Variants in SHROOM3 observed in about 807,000 individuals in gnomAD.
The protein encoded by SHROOM3 is shroom family member 3.
SHROOM3 carries 47 observed loss-of-function variants against 138.6 expected under a neutral mutation model. The observed-to-expected ratio is 0.34, with a 90% CI of 0.27 to 0.43. SHROOM3 has a LOEUF of 0.43. Ranked by LOEUF, SHROOM3 falls within the 20% of genes least tolerant of loss-of-function variation. The pLI, the probability that SHROOM3 is intolerant of heterozygous loss-of-function variation, is 1.00. For missense variants in SHROOM3, 2,491 were observed against 2,596.5 expected, an observed-to-expected ratio of 0.96 and a Z score of 0.88; for synonymous variants, 1,062 against 1,063.3, an observed-to-expected ratio of 1.00 and a Z score of 0.02.
intron 2 of SHROOM3, among the ~76,000 whole-genome samples, chr4:76,663,608 T>G (rs994221755): frequency 6.6e-6 from 1 of 152,168 alleles, no homozygotes; most frequent in South Asian, 2.1e-4. Context: ...ACTATGTTGC[T>G]CAGGCTGAAC....
intron 1 of SHROOM3, among the ~76,000 whole-genome samples, chr4:76,511,336 A>G (rs1268921007): frequency 1.5e-5 from 2 of 135,360 alleles, no homozygotes; most frequent in African/African-American, 3.1e-5. Flanking sequence ...ACACTATGTT[A>G]TAAAGTAAAA....
intron 2 of SHROOM3, among the ~76,000 whole-genome samples, chr4:76,594,508 C>T (rs1383791873): frequency 6.6e-6 from 1 of 152,218 alleles, no homozygotes; most frequent in Non-Finnish European, 1.5e-5. Context: ...TACATAAAAA[C>T]TTTAACTTTG....
chr4:76,503,763 A>G (rs547301410), intron 1 of SHROOM3, among the ~76,000 whole-genome samples: 1 of 152,296 alleles, frequency 6.6e-6, no homozygotes, highest in Non-Finnish European at 1.5e-5. Flanking sequence ...CCCTTTGTCT[A>G]GTGATCTTGT....
intron 1 of SHROOM3, among the ~76,000 whole-genome samples, chr4:76,522,570 A>G (rs1482127486): frequency 1.3e-5 from 2 of 151,940 alleles, no homozygotes; most frequent in Non-Finnish European, 2.9e-5. Context: ...GAGGCAGGCC[A>G]TTCACCTGAG....
intron 1 of SHROOM3, among the ~76,000 whole-genome samples, chr4:76,507,388 AC>A (rs1732233572): frequency 6.6e-6 from 1 of 152,190 alleles, no homozygotes; most frequent in South Asian, 2.1e-4. Flanking sequence ...CAATTTCTCT[AC>A]ATCTTCACCA....
intron 1 of SHROOM3, among the ~76,000 whole-genome samples, chr4:76,466,135 T>C (rs576071341): frequency 9.2e-5 from 14 of 152,240 alleles, no homozygotes; most frequent in Non-Finnish European, 1.9e-4. Flanking sequence ...GTTGGTGTGA[T>C]GTTCTCAACA....
At chr4:76,777,489 C>T (rs1722605932) in intron 10 of SHROOM3, among the ~76,000 whole-genome samples, 1 of 152,108 alleles carries the variant, frequency 6.6e-6, no homozygotes, top group African/African-American at 2.4e-5. Context: ...GATCTAGGAG[C>T]TTTTTGGATA....
chr4:76,603,632 T>G (rs1188193238), intron 2 of SHROOM3, among the ~76,000 whole-genome samples: 1 of 152,028 alleles, frequency 6.6e-6, no homozygotes. Context: ...TGTGCCCACA[T>G]GCAGGTTTGT....
At chr4:76,592,739 G>C (rs1249873804) in intron 2 of SHROOM3, among the ~76,000 whole-genome samples, 1 of 152,132 alleles carries the variant, frequency 6.6e-6, no homozygotes, top group East Asian at 1.9e-4. Context: ...AGCTACAAAA[G>C]TCTTATTGAA....
chr4:76,707,156 T>C (rs376687807), intron 2 of SHROOM3, among the ~76,000 whole-genome samples: 8 of 152,346 alleles, frequency 5.3e-5, no homozygotes, highest in Non-Finnish European at 7.3e-5. Context: ...TTTGGTAATA[T>C]GTTTAGTTAA....
intron 2 of SHROOM3, among the ~76,000 whole-genome samples, chr4:76,648,845 T>C (rs949069256): frequency 6.6e-6 from 1 of 152,170 alleles, no homozygotes; most frequent in Admixed American, 6.5e-5. Flanking sequence ...ACATTAGATG[T>C]CCTTATATCA....
At chr4:76,735,904 T>TATATA (rs1560606354) in intron 4 of SHROOM3, among the ~76,000 whole-genome samples, 5 of 132,326 alleles carry the variant, frequency 3.8e-5, no homozygotes, top group Non-Finnish European at 4.7e-5. Flanking sequence ...TATATATATA[T>TATATA]TTTAGTGATG....
At chr4:76,746,098 A>G (rs562604733) in intron 5 of SHROOM3, among the ~76,000 whole-genome samples, 1 of 152,344 alleles carries the variant, frequency 6.6e-6, no homozygotes, top group South Asian at 2.1e-4. Context: ...AATTTGCCCA[A>G]GGTAGTAGAG....
intron 1 of SHROOM3, among the ~76,000 whole-genome samples, chr4:76,486,438 C>G (rs1346846761): frequency 6.6e-6 from 1 of 152,150 alleles, no homozygotes; most frequent in Non-Finnish European, 1.5e-5. Flanking sequence ...CTTGTCAATC[C>G]TCATGAGTGT....
At chr4:76,650,778 C>T (rs546448764) in intron 2 of SHROOM3, among the ~76,000 whole-genome samples, 2 of 152,144 alleles carry the variant, frequency 1.3e-5, no homozygotes, top group South Asian at 2.1e-4. Context: ...CTCCTGACCT[C>T]GTGATCCACC....
intron 2 of SHROOM3, among the ~76,000 whole-genome samples, chr4:76,609,423 C>T (rs920152341): frequency 6.6e-6 from 1 of 152,166 alleles, no homozygotes; most frequent in Admixed American, 6.5e-5. Context: ...GCTAAGACTA[C>T]AGATTTATGC....
At chr4:76,527,706 C>G (rs1337759221) in intron 1 of SHROOM3, among the ~76,000 whole-genome samples, 3 of 152,120 alleles carry the variant, frequency 2.0e-5, no homozygotes, top group Non-Finnish European at 4.4e-5. Context: ...GTCATTTTTT[C>G]TTTACCTTTT....
intron 2 of SHROOM3, among the ~76,000 whole-genome samples, chr4:76,587,565 T>G (rs1192654337): frequency 6.6e-6 from 1 of 152,214 alleles, no homozygotes; most frequent in African/African-American, 2.4e-5. Flanking sequence ...AGTGTGTTTT[T>G]TCTTCCAATG....
At chr4:76,449,708 A>G (rs1420219926) in intron 1 of SHROOM3, among the ~76,000 whole-genome samples, 2 of 152,244 alleles carry the variant, frequency 1.3e-5, no homozygotes, top group African/African-American at 4.8e-5. Context: ...AATGGATAGA[A>G]TAATGAATAG....
Sources: gnomAD v4.1 joint callset for allele counts (sites outside exome capture counted in the v4.1 genomes callset) on GRCh38, gnomAD v4.1.1 for gene constraint, MANE v1.5 for transcripts, NCBI Gene and HGNC (gene_info 2026-07-23, HGNC 2026-07-21) for gene names.